NEGR1: variants seen among roughly 807,000 people sequenced by gnomAD.
The protein encoded by NEGR1 is IgLON family member 4.
NEGR1 carries 10 observed loss-of-function variants against 40.9 expected under a neutral mutation model. The observed-to-expected ratio is 0.24, with a 90% CI of 0.15 to 0.42. The LOEUF (loss-of-function observed/expected upper bound fraction) is 0.42. Among genes scored for constraint, NEGR1 ranks in the 10% least tolerant of loss-of-function variants. The pLI is 1.00. For synonymous variants in NEGR1, 185 were observed against 166.8 expected (o/e 1.11, Z -0.84); for missense variants, 352 against 438.9 (o/e 0.80, Z 1.77).
rs187496827 is a variant in NEGR1 at position 71,759,979 on chromosome 1, C to T, written c.535+16193G>A. On this transcript the variant is annotated intron_variant, in intron 3 of 6. Coordinates refer to ENST00000357731, the MANE Select transcript of NEGR1 (RefSeq NM_173808.3). ...TCACTTACATACTACTTTCCCTATA[C>T]ATGTAACATGAGATGAAAATCAATA... Among the ~76,000 whole-genome samples the T allele has an allele frequency of 9.2e-5, 14 of 152,188 alleles. No homozygotes were observed. In the East Asian group the frequency reaches 1.2e-3, roughly 13 times the overall value.
chr1:72,115,203 A>ATC, intron 1 of NEGR1, among the ~76,000 whole-genome samples: 1 of 151,508 alleles, frequency 6.6e-6, no homozygotes, highest in South Asian at 2.1e-4. Context: ...GTGGTCTTTT[A>ATC]TATATATATT....
intron 6 of NEGR1, among the ~76,000 whole-genome samples, chr1:71,522,487 G>A (rs1647165555): frequency 1.3e-5 from 2 of 151,684 alleles, no homozygotes; most frequent in Non-Finnish European, 2.9e-5. Context: ...AAGTGGAGGA[G>A]AGTGGTAGCG....
At chr1:72,242,265 T>G (rs562674038) in intron 1 of NEGR1, among the ~76,000 whole-genome samples, 43 of 151,882 alleles carry the variant, frequency 2.8e-4, no homozygotes, top group African/African-American at 9.6e-4. Flanking sequence ...TGAGTTGGGA[T>G]GCTAAAAATT....
At chr1:71,774,522 G>T (rs961546766) in intron 3 of NEGR1, among the ~76,000 whole-genome samples, 3 of 152,104 alleles carry the variant, frequency 2.0e-5, no homozygotes, top group Non-Finnish European at 4.4e-5. Context: ...TAGACACACT[G>T]CATAAATGAG....
chr1:72,074,187 G>A (rs1557513431), intron 1 of NEGR1, among the ~76,000 whole-genome samples: 1 of 151,856 alleles, frequency 6.6e-6, no homozygotes, highest in East Asian at 1.9e-4. Context: ...TATGTTATTA[G>A]CTCCAAAACT....
chr1:71,768,278 T>C (rs545218608), intron 3 of NEGR1, among the ~76,000 whole-genome samples: 57 of 152,246 alleles, frequency 3.7e-4, no homozygotes, highest in African/African-American at 1.3e-3. Flanking sequence ...GACTGAACCC[T>C]ACAAAGTCAT....
At position 71,709,802 on chromosome 1, in the gene NEGR1, T is replaced by C. The variant is rs1397568574; in HGVS notation, c.536-11663A>G. Among the ~76,000 whole-genome samples the C allele has an allele frequency of 3.3e-5, 5 of 152,296 alleles. No individual in the cohort carries two copies. In the East Asian group the frequency reaches 9.6e-4, roughly 29 times the overall value. ...TTGGGGAATATCTCCAAGGCATTGG[T>C]CTGGGCAAACATTTCTTTAGCAGTA... On this transcript the variant is annotated intron_variant, in intron 3 of 6. Coordinates refer to ENST00000357731, the MANE Select transcript of NEGR1 (RefSeq NM_173808.3).
At chr1:71,579,295 G>A (rs72940368) in intron 6 of NEGR1, among the ~76,000 whole-genome samples, 2,243 of 152,108 alleles carry the variant, frequency 0.015, 53 homozygotes, top group African/African-American at 0.052. Context: ...ATTACATTTT[G>A]TGATAATTGC....
At chr1:71,611,227 A>C in intron 4 of NEGR1, 81 bp from the exon 5 acceptor site, 2 of 1,311,008 alleles carry the variant, frequency 1.5e-6, no homozygotes, top group Admixed American at 1.9e-5. Flanking sequence ...ATATATTTTT[A>C]TTCCTTCTAT....
At chr1:71,509,074 A>T (rs1173839194) in intron 6 of NEGR1, among the ~76,000 whole-genome samples, 1 of 152,224 alleles carries the variant, frequency 6.6e-6, no homozygotes, top group Admixed American at 6.5e-5. Context: ...GAACCTTAGA[A>T]ATTGAGACAG....
intron 4 of NEGR1, among the ~76,000 whole-genome samples, chr1:71,658,140 T>A (rs1178981446): frequency 6.6e-6 from 1 of 152,188 alleles, no homozygotes; most frequent in Non-Finnish European, 1.5e-5. Flanking sequence ...TGAAAGTTGT[T>A]TTTACAATCT....
rs190753632 is a variant in NEGR1 at position 71,818,358 on chromosome 1, A to G, written c.410-42061T>C. Among the ~76,000 whole-genome samples, 265 of 152,194 alleles carry G rather than the reference A, an allele frequency of 1.7e-3. 1 individual carries two copies. The highest frequency in any genetic ancestry group is 2.8e-3 in the Admixed American group (43 of 15,264). ...ACCATGGAATACTATGCAGCCATTAAAAAAAGAATGAGCTCATGTCTTTGC... is the reference window on the plus strand; with the variant it reads ...ACCATGGAATACTATGCAGCCATTAGAAAAAGAATGAGCTCATGTCTTTGC... On this transcript the variant is annotated intron_variant, in intron 2 of 6. Coordinates refer to ENST00000357731, the MANE Select transcript of NEGR1 (RefSeq NM_173808.3).
intron 1 of NEGR1, among the ~76,000 whole-genome samples, chr1:72,053,423 A>G (rs1437973489): frequency 6.6e-6 from 1 of 151,116 alleles, no homozygotes; most frequent in East Asian, 1.9e-4. Context: ...ACTTTATACA[A>G]TATTTCCATG....
At chr1:71,888,256 G>C (rs1316257598) in intron 2 of NEGR1, among the ~76,000 whole-genome samples, 1 of 152,122 alleles carries the variant, frequency 6.6e-6, no homozygotes, top group Admixed American at 6.5e-5. Flanking sequence ...ACAGCTCCCA[G>C]CGTGAGCGAC....
At chr1:72,073,172 CAT>C (rs1647549104) in intron 1 of NEGR1, among the ~76,000 whole-genome samples, 1 of 152,052 alleles carries the variant, frequency 6.6e-6, no homozygotes, top group Non-Finnish European at 1.5e-5. Flanking sequence ...GATAGGCCTT[CAT>C]AGTTATTCTC....
chr1:71,809,876 T>C (rs6701156), intron 2 of NEGR1, among the ~76,000 whole-genome samples: 12,428 of 152,128 alleles, frequency 0.082, 663 homozygotes, highest in African/African-American at 0.14. Context: ...CAACCTGTGA[T>C]CCTAACAGAC....
intron 3 of NEGR1, among the ~76,000 whole-genome samples, chr1:71,705,217 A>G (rs1016420341): frequency 3.9e-5 from 6 of 152,164 alleles, no homozygotes; most frequent in Non-Finnish European, 8.8e-5. Flanking sequence ...ACTCTAACCT[A>G]TATCTCGTAC....
intron 1 of NEGR1, among the ~76,000 whole-genome samples, chr1:71,958,628 C>G (rs1646137530): frequency 6.6e-6 from 1 of 152,124 alleles, no homozygotes; most frequent in East Asian, 1.9e-4. Flanking sequence ...AGTTTTTACT[C>G]TACAGCTGAC....
At chr1:72,184,285 G>C (rs536096925) in intron 1 of NEGR1, among the ~76,000 whole-genome samples, 1 of 152,176 alleles carries the variant, frequency 6.6e-6, no homozygotes, top group South Asian at 2.1e-4. Flanking sequence ...CAACATTACT[G>C]GCAACAAAGA....
Sources: gnomAD v4.1 joint callset for allele counts (sites outside exome capture counted in the v4.1 genomes callset) on GRCh38, gnomAD v4.1.1 for gene constraint, MANE v1.5 for transcripts, NCBI Gene and HGNC (gene_info 2026-07-23, HGNC 2026-07-21) for gene names.